RNF8: variants seen among roughly 807,000 people sequenced by gnomAD.
The protein encoded by RNF8 is ring finger protein 8.
A neutral mutation model predicts 59.3 loss-of-function variants in RNF8; 8 were observed. The ratio of observed to expected loss-of-function variants is 0.13; its 90% CI spans 0.08 to 0.24. The LOEUF is 0.24. Among genes scored for constraint, RNF8 ranks in the 10% least tolerant of loss-of-function variants. The pLI, the probability that RNF8 is intolerant of heterozygous loss-of-function variation, is 1.00. For missense variants in RNF8, 406 were observed against 572.6 expected, an observed-to-expected ratio of 0.71 and a Z score of 2.97; for synonymous variants, 162 against 200.0, an observed-to-expected ratio of 0.81 and a Z score of 1.60.
At chr6:37,362,833 A>G (rs1190288875) in intron 2 of RNF8, among the ~76,000 whole-genome samples, 1 of 152,260 alleles carries the variant, frequency 6.6e-6, no homozygotes, top group African/African-American at 2.4e-5. Context: ...TATAGATACA[A>G]AAATTGCAAG....
At chr6:37,359,671 A>G (rs923862973) in intron 1 of RNF8, among the ~76,000 whole-genome samples, 9 of 152,354 alleles carry the variant, frequency 5.9e-5, no homozygotes, top group Admixed American at 3.9e-4. Context: ...GGGGAGACCA[A>G]GAAATTTAAT....
At chr6:37,356,108 G>A (rs1426473172) in intron 1 of RNF8, among the ~76,000 whole-genome samples, 1 of 152,210 alleles carries the variant, frequency 6.6e-6, no homozygotes, top group Non-Finnish European at 1.5e-5. Flanking sequence ...GAAAGGGCAA[G>A]AAGACTATAA....
At chr6:37,361,423 G>T in intron 2 of RNF8, 4 of 451,528 alleles carry the variant, frequency 8.9e-6, no homozygotes, top group South Asian at 6.3e-5. Context: ...TCAACAAAGG[G>T]ATTGCACCTG....
chr6:37,360,564 T>A lies in RNF8; in HGVS notation c.230T>A (p.Met77Lys). 6.2e-7 allele frequency: 1 copy of A among 1,613,922 alleles called. No homozygotes were observed. Among genetic ancestry groups the A allele is most frequent in the East Asian group, 2.2e-5 (1 of 44,862 alleles). ...KQNPEGQWTI[M>K]DNKSLNGVWL... ...AATCCTGAGGGCCAATGGACAATTATGGACAACAAGGTACAGGAATTCACA... is the reference window on the plus strand; with the variant it reads ...AATCCTGAGGGCCAATGGACAATTAAGGACAACAAGGTACAGGAATTCACA... Residue 77 changes from methionine (M) to lysine (K), a missense_variant, in exon 2 of 8, where the codon ATG becomes AAG. Physicochemically the swap from Met to Lys is moderately conservative, Grantham distance 95. Transcript: ENST00000373479. This position sits in a 1 kb window ranked among gnomAD's most constrained non-coding sequence, Gnocchi z 4.2.
chr6:37,379,960 C>T (rs1770184708), intron 6 of RNF8, among the ~76,000 whole-genome samples: 1 of 152,160 alleles, frequency 6.6e-6, no homozygotes, highest in Non-Finnish European at 1.5e-5. Context: ...GTCGCCCAGG[C>T]TGGAGTGCAG....
chr6:37,376,818 A>G lies in RNF8; in HGVS notation c.1129-108A>G, dbSNP rs1168281087. On this transcript the variant is annotated intron_variant, in intron 5 of 7. Coordinates refer to ENST00000373479, the MANE Select transcript of RNF8 (RefSeq NM_003958.4). ...TCTTAATGTTGCTGCACCAGAATGAATCACTCATTAAGACTGAATCCTCTT... is the reference window on the plus strand; with the variant it reads ...TCTTAATGTTGCTGCACCAGAATGAGTCACTCATTAAGACTGAATCCTCTT... 3 of 695,884 alleles carry G rather than the reference A, an allele frequency of 4.3e-6. No homozygotes were observed. In the Admixed American group the frequency reaches 6.8e-5, roughly 16 times the overall value. The allele number at this position is 695,884 out of a possible 1,614,324, so 43.1% of individuals were successfully genotyped here. A position where few individuals can be genotyped will look rare whatever the true frequency, so the allele number is the denominator to read the frequency against.
Position 37,368,977 on chromosome 6 carries a change from G to C in RNF8, c.734G>C (p.Ser245Thr). 1 of 1,614,248 alleles carries C rather than the reference G, an allele frequency of 6.2e-7. No homozygotes were observed. Among genetic ancestry groups the C allele is most frequent in the Non-Finnish European group, 8.5e-7 (1 of 1,180,048 alleles). The change falls in exon 3 of 8, where the codon AGC becomes ACC. Residue 245 changes from serine (S) to threonine (T), a missense_variant. Physicochemically the swap from Ser to Thr is moderately conservative, Grantham distance 58. Around this residue, in one of 3 missense-constraint regions of RNF8, gnomAD observed 285 missense variants for 342.0 expected, o/e 0.83. Transcript: ENST00000373479. ...TCAAACTCTTCAGCATCTCAGAGAA[G>C]CTTACAGATGTTTAAGGTGACCATG... is the stretch of plus-strand genomic sequence containing the variant. ...KASNSSASQRSLQMFKVTMSR... is the reference protein window; with the variant it reads ...KASNSSASQRTLQMFKVTMSR...
At chr6:37,380,528 G>A (rs1338500749) in intron 6 of RNF8, among the ~76,000 whole-genome samples, 4 of 151,732 alleles carry the variant, frequency 2.6e-5, no homozygotes, top group South Asian at 2.1e-4. Flanking sequence ...AAAATTAGCC[G>A]GGTGTAGTGG....
intron 2 of RNF8, among the ~76,000 whole-genome samples, chr6:37,367,384 C>T (rs1769601896): frequency 6.6e-6 from 1 of 152,144 alleles, no homozygotes; most frequent in Non-Finnish European, 1.5e-5. Flanking sequence ...TTCATTAAAA[C>T]CATAAAAGTA....
chr6:37,354,389 T>G, intron 1 of RNF8, 114 bp downstream of exon 1: 1 of 810,254 alleles, frequency 1.2e-6, no homozygotes. Flanking sequence ...GAGGCGGGCA[T>G]CAGGAAGAGG....
chr6:37,394,136 A>G lies in RNF8; in HGVS notation c.*3378A>G, dbSNP rs576899774. 6.6e-6 allele frequency: 1 copy of G among 152,358 alleles called. No homozygotes were observed. Among genetic ancestry groups the G allele is most frequent in the East Asian group, 1.9e-4 (1 of 5,176 alleles). The allele number at this position is 152,358 out of a possible 1,614,324, so 9.4% of individuals were successfully genotyped here. On this transcript the variant is annotated 3_prime_UTR_variant, in exon 8 of 8. Transcript: ENST00000373479. ...CTTTGTATTGTGGTCCTAATCTAAG[A>G]TCAGGAGAATCCTGGAATTGTTATC...
Position 37,360,344 on chromosome 6 carries a change from A to T in RNF8, c.112-102A>T. 1 of 1,408,234 alleles carries T rather than the reference A, an allele frequency of 7.1e-7. No individual in the cohort carries two copies. Among genetic ancestry groups the T allele is most frequent in the Non-Finnish European group, 9.9e-7 (1 of 1,006,022 alleles). 87.2% of individuals were successfully genotyped at this position (1,408,234 alleles called of 1,614,324 possible). A position where few individuals can be genotyped will look rare whatever the true frequency, so the allele number is the denominator to read the frequency against. On this transcript the variant is annotated intron_variant, in intron 1 of 7. Coordinates refer to ENST00000373479, the MANE Select transcript of RNF8 (RefSeq NM_003958.4). The surrounding 1 kb of genome is among the most constrained non-coding windows in gnomAD (Gnocchi z 4.2). ...TGGTTCCACAGGTGTCTGGTTTCTT[A>T]AGTCAGGACCTGCATATGCTGCTGG...
At chr6:37,376,510 C>T (rs1770026554) in intron 5 of RNF8, among the ~76,000 whole-genome samples, 3 of 152,114 alleles carry the variant, frequency 2.0e-5, no homozygotes, top group African/African-American at 7.2e-5. Context: ...TGGAGTCTTG[C>T]CATGTCTGTC....
Position 37,391,060 on chromosome 6 carries a change from T to C in RNF8, c.*302T>C. Reference sequence around the variant, plus strand: ...TTCTCTTCTGTTTTTTTTTAATTTGTTGTTGTTGTTACTGTTTTGATACCT... The same window carrying C: ...TTCTCTTCTGTTTTTTTTTAATTTGCTGTTGTTGTTACTGTTTTGATACCT... On this transcript the variant is annotated 3_prime_UTR_variant, in exon 8 of 8. Transcript: ENST00000373479. The C allele has an allele frequency of 1.8e-6, 1 of 553,364 alleles. No homozygotes were observed. The highest frequency in any genetic ancestry group is 3.2e-6 in the Non-Finnish European group (1 of 311,082). The allele number at this position is 553,364 out of a possible 1,614,324, so 34.3% of individuals were successfully genotyped here.
In RNF8 at chr6:37,376,916, T is replaced by C; in HGVS notation, c.1129-10T>C. 6.3e-7 allele frequency: 1 copy of C among 1,596,400 alleles called. No individual in the cohort carries two copies. The highest frequency in any genetic ancestry group is 2.2e-5 in the East Asian group (1 of 44,780). On this transcript the variant is annotated splice_polypyrimidine_tract_variant and intron_variant, in intron 5 of 7. Coordinates refer to ENST00000373479, the MANE Select transcript of RNF8 (RefSeq NM_003958.4). ...TCTCTGAATGACAGGTAGGATTGTG[T>C]GTCTTGCAGGAAGAGAAGGAGAAGA... is the stretch of plus-strand genomic sequence containing the variant.
Position 37,392,697 on chromosome 6 carries a change from T to C in RNF8, c.*1939T>C. ...GTGTATTTGCACCATCATTTACTTTTCTGGCTTACTTTTGATAGAAATCTA... is the reference window on the plus strand; with the variant it reads ...GTGTATTTGCACCATCATTTACTTTCCTGGCTTACTTTTGATAGAAATCTA... On this transcript the variant is annotated 3_prime_UTR_variant, in exon 8 of 8. Coordinates refer to ENST00000373479, the MANE Select transcript of RNF8 (RefSeq NM_003958.4). 1 of 398,626 alleles carries C rather than the reference T, an allele frequency of 2.5e-6. No homozygotes were observed. The highest frequency in any genetic ancestry group is 4.4e-6 in the Non-Finnish European group (1 of 226,052). 24.7% of individuals were successfully genotyped at this position (398,626 alleles called of 1,614,324 possible).
intron 6 of RNF8, among the ~76,000 whole-genome samples, chr6:37,380,634 G>A (rs1246272682): frequency 6.1e-5 from 9 of 148,574 alleles, no homozygotes; most frequent in Admixed American, 4.0e-4. Flanking sequence ...TCGCGCCACT[G>A]CACTCCAGCC....
intron 2 of RNF8, among the ~76,000 whole-genome samples, chr6:37,365,513 A>ATAG (rs1316515186): frequency 3.2e-4 from 49 of 152,328 alleles, no homozygotes; most frequent in African/African-American, 1.2e-3. Flanking sequence ...GTTTTACTGT[A>ATAG]TAGCCAGGGT....
intron 2 of RNF8, among the ~76,000 whole-genome samples, chr6:37,363,565 A>AATT (rs2113817565): frequency 6.6e-6 from 1 of 152,340 alleles, no homozygotes; most frequent in South Asian, 2.1e-4. Context: ...ATAATGGAAT[A>AATT]CCTCTACACA....
Sources: allele counts gnomAD v4.1 joint callset (sites outside exome capture counted in the v4.1 genomes callset), GRCh38; gene constraint gnomAD v4.1.1; regional missense constraint gnomAD v4.1.1; non-coding constraint Gnocchi (gnomAD v3.1); transcripts MANE v1.5; gene names NCBI Gene and HGNC (gene_info 2026-07-23, HGNC 2026-07-21).